Variants in ZNF605 observed in about 807,000 individuals in gnomAD.
ZNF605 encodes zinc finger protein 605.
ZNF605 carries 9 observed loss-of-function variants against 7.9 expected under a neutral mutation model. That is an observed-to-expected ratio of 1.14 (90% CI 0.68 to 1.98). The LOEUF (loss-of-function observed/expected upper bound fraction) is 1.98, where lower values mean the gene tolerates loss of function less well. Ranked by LOEUF, ZNF605 falls within the 30% of genes most tolerant of loss-of-function variation. ZNF605 has a pLI of 0.00. For missense variants in ZNF605, 673 were observed against 762.4 expected (o/e 0.88, Z 1.38); for synonymous variants, 255 against 260.1 (o/e 0.98, Z 0.19).
At position 132,920,208 on chromosome 12, in the gene ZNF605, T is replaced by C. The variant is rs147437510; in HGVS notation, c.*5165A>G. On this transcript the variant is annotated 3_prime_UTR_variant, in exon 5 of 5. Coordinates refer to ENST00000360187, the MANE Select transcript of ZNF605 (RefSeq NM_183238.4). ...AGGCTGGAGTGCAGTGGTGTGATCT[T>C]GGCTCACTGCAAGCTCCACCTCCCA... 0.028 allele frequency: 4,276 copies of C among 151,248 alleles called. 117 individuals carry two copies. The highest frequency in any genetic ancestry group is 0.064 in the Admixed American group (967 of 15,156). 9.4% of individuals were successfully genotyped at this position (151,248 alleles called of 1,614,324 possible). A position where few individuals can be genotyped will look rare whatever the true frequency, so the allele number is the denominator to read the frequency against.
intron 1 of ZNF605, among the ~76,000 whole-genome samples, chr12:132,953,569 G>A (rs1952596746): frequency 6.6e-6 from 1 of 152,124 alleles, no homozygotes; most frequent in Non-Finnish European, 1.5e-5. Flanking sequence ...TGGGATTACA[G>A]GCGCCCACCA....
In ZNF605 at chr12:132,926,504, C is replaced by T. The variant is rs1952249185; in HGVS notation, c.795G>A (p.Lys265=). The change falls in exon 5 of 5, where the codon AAG becomes AAA. Residue 265 remains lysine, a synonymous_variant. Transcript: ENST00000360187. ...CSECGKAFSR[K]SQLKRHQITH... The stretch of plus-strand genomic sequence containing the variant: ...TTATCTGATGTCTTTTAAGCTGCGA[C>T]TTCCTACTGAAGGCTTTTCCACATT... 7.4e-6 allele frequency: 12 copies of T among 1,614,186 alleles called. No homozygotes were observed. The highest frequency in any genetic ancestry group is 4.4e-5 in the South Asian group (4 of 91,082).
intron 3 of ZNF605, among the ~76,000 whole-genome samples, chr12:132,937,508 C>A (rs1461599182): frequency 6.6e-6 from 1 of 151,624 alleles, no homozygotes; most frequent in Non-Finnish European, 1.5e-5. Flanking sequence ...TAAACACACA[C>A]ACACACAGAC....
Position 132,924,839 on chromosome 12 carries a change from A to C in ZNF605, c.*534T>G, listed in dbSNP as rs1952231501. On this transcript the variant is annotated 3_prime_UTR_variant, in exon 5 of 5. Coordinates refer to ENST00000360187, the MANE Select transcript of ZNF605 (RefSeq NM_183238.4). ...CTTCACATCTAAGTAAACACACCTC[A>C]CACTTACAATTCACTGCTTTTTGTA... 1 of 152,568 alleles carries C rather than the reference A, an allele frequency of 6.6e-6. No individual in the cohort carries two copies. 9.5% of individuals were successfully genotyped at this position (152,568 alleles called of 1,614,324 possible).
intron 3 of ZNF605, among the ~76,000 whole-genome samples, chr12:132,935,903 A>C (rs1472707748): frequency 6.7e-6 from 1 of 149,078 alleles, no homozygotes; most frequent in Non-Finnish European, 1.5e-5. Flanking sequence ...AAAAAAAAAA[A>C]AAAAAAAATT....
intron 3 of ZNF605, among the ~76,000 whole-genome samples, chr12:132,935,710 G>A (rs1195387095): frequency 2.6e-5 from 4 of 151,934 alleles, no homozygotes; most frequent in Non-Finnish European, 5.9e-5. Flanking sequence ...GGCTAACATG[G>A]TGAAACCCCA....
At chr12:132,928,754 A>G (rs1184920265) in intron 4 of ZNF605, among the ~76,000 whole-genome samples, 1 of 152,176 alleles carries the variant, frequency 6.6e-6, no homozygotes, top group African/African-American at 2.4e-5. Flanking sequence ...GCTCACAACA[A>G]CAATCCCAGC....
chr12:132,928,633 TTGA>T (rs1202204211), intron 4 of ZNF605, among the ~76,000 whole-genome samples: 1 of 152,232 alleles, frequency 6.6e-6, no homozygotes, highest in Non-Finnish European at 1.5e-5. Flanking sequence ...ACTTGACTTT[TTGA>T]TGATATTATT....
intron 1 of ZNF605, among the ~76,000 whole-genome samples, chr12:132,954,733 C>G (rs12320945): frequency 6.6e-6 from 1 of 151,600 alleles, no homozygotes; most frequent in Non-Finnish European, 1.5e-5. Flanking sequence ...TTCCCACAGG[C>G]CCTCCCAAAC....
chr12:132,925,576 G>A lies in ZNF605; in HGVS notation c.1723C>T (p.Gln575Ter). 1 of 1,614,114 alleles carries A rather than the reference G, an allele frequency of 6.2e-7. No homozygotes were observed. The highest frequency in any genetic ancestry group is 8.5e-7 in the Non-Finnish European group (1 of 1,180,034). Reference sequence around the variant, plus strand: ...TGAATTCTCTGATGTATAATCAGCTGTGCCTTCTCAAAGAAAGCTTTTGCA... The same window carrying A: ...TGAATTCTCTGATGTATAATCAGCTATGCCTTCTCAAAGAAAGCTTTTGCA... ...DCAKAFFEKA[Q>*]LIIHQRIHTG... is the part of the protein sequence containing the mutation. Residue 575 changes from glutamine to a stop codon, truncating the protein, a stop_gained, in exon 5 of 5, where the codon CAG (glutamine) becomes TAG (stop). Transcript: ENST00000360187. LOFTEE classifies it low-confidence loss of function (END_TRUNC).
chr12:132,953,562 G>T (rs1297865404), intron 1 of ZNF605, among the ~76,000 whole-genome samples: 1 of 152,118 alleles, frequency 6.6e-6, no homozygotes, highest in Non-Finnish European at 1.5e-5. Flanking sequence ...GAGTAGGTGG[G>T]ATTACAGGCG....
At chr12:132,945,914 G>T in intron 2 of ZNF605, 117 bp from the exon 3 acceptor site, 1 of 596,338 alleles carries the variant, frequency 1.7e-6, no homozygotes, top group Non-Finnish European at 3.0e-6. Context: ...ATGTTGGGTA[G>T]GCTCACACCA....
rs567965189 is a variant in ZNF605, at chr12:132,920,423, G to A, written c.*4950C>T. Reference sequence around the variant, plus strand: ...CAAAGTGCTGGGATTACAGGCGTGAGCCACCGCGCCTGGCCTGGTTTATTT... The same window carrying A: ...CAAAGTGCTGGGATTACAGGCGTGAACCACCGCGCCTGGCCTGGTTTATTT... On this transcript the variant is annotated 3_prime_UTR_variant, in exon 5 of 5. Coordinates refer to ENST00000360187, the MANE Select transcript of ZNF605 (RefSeq NM_183238.4). 3.9e-5 allele frequency: 6 copies of A among 152,348 alleles called. No homozygotes were observed. Among genetic ancestry groups the A allele is most frequent in the East Asian group, 1.9e-4 (1 of 5,172 alleles). 9.4% of individuals were successfully genotyped at this position (152,348 alleles called of 1,614,324 possible). A position where few individuals can be genotyped will look rare whatever the true frequency, so the allele number is the denominator to read the frequency against.
chr12:132,925,452 T>C lies in ZNF605; in HGVS notation c.1847A>G (p.Tyr616Cys). 1 of 1,614,114 alleles carries C rather than the reference T, an allele frequency of 6.2e-7. No homozygotes were observed. The highest frequency in any genetic ancestry group is 1.3e-5 in the African/African-American group (1 of 75,040). ...GGTCCCACACTCATTGCATCCATAGTATTTATCTCCTGTATGAATCCTCTG... is the reference window on the plus strand; with the variant it reads ...GGTCCCACACTCATTGCATCCATAGCATTTATCTCCTGTATGAATCCTCTG... ...RHQRIHTGDK[Y>C]YGCNECGTTF... The change falls in exon 5 of 5, where the codon TAC becomes TGC. Residue 616 changes from tyrosine to cysteine, a missense_variant. Coordinates refer to ENST00000360187, the MANE Select transcript of ZNF605 (RefSeq NM_183238.4).
Position 132,926,383 on chromosome 12 carries a change from CT to C in ZNF605, c.915del (p.Glu306ArgfsTer19). Reference sequence around the variant, plus strand: ...CAGTGACTACATGGATAGGGTTTCTCTCCTGTGTGCGCTCTCTGATGTGTGA... The same window carrying C: ...CAGTGACTACATGGATAGGGTTTCTCCCTGTGTGCGCTCTCTGATGTGTGA... ...KLITHQRAHT[G>X]EKPYPCSHCG... On this transcript the variant is annotated frameshift_variant, in exon 5 of 5. Coordinates refer to ENST00000360187, the MANE Select transcript of ZNF605 (RefSeq NM_183238.4). LOFTEE classifies it low-confidence loss of function (END_TRUNC). The C allele has an allele frequency of 6.2e-7, 1 of 1,614,194 alleles. No individual in the cohort carries two copies. The highest frequency in any genetic ancestry group is 8.5e-7 in the Non-Finnish European group (1 of 1,180,030).
intron 1 of ZNF605, among the ~76,000 whole-genome samples, chr12:132,948,880 C>T (rs567446709): frequency 6.6e-6 from 1 of 152,174 alleles, no homozygotes; most frequent in African/African-American, 2.4e-5. Flanking sequence ...AGCAGCCACA[C>T]CTGCAGGGCC....
chr12:132,954,167 C>T (rs937535505), intron 1 of ZNF605, among the ~76,000 whole-genome samples: 15 of 151,254 alleles, frequency 9.9e-5, no homozygotes, highest in Non-Finnish European at 2.1e-4. Context: ...TCCCTACAGG[C>T]CCAACTGATG....
chr12:132,937,983 T>C (rs2137141357), intron 3 of ZNF605, among the ~76,000 whole-genome samples: 1 of 152,340 alleles, frequency 6.6e-6, no homozygotes, highest in South Asian at 2.1e-4. Flanking sequence ...TTTATTTATT[T>C]ATTTATTATT....
chr12:132,936,062 A>G (rs1201289764), intron 3 of ZNF605, among the ~76,000 whole-genome samples: 1 of 151,898 alleles, frequency 6.6e-6, no homozygotes. Context: ...CTCCATCTCA[A>G]AAAAAACCAA....
Sources: gnomAD v4.1 joint callset for allele counts (sites outside exome capture counted in the v4.1 genomes callset) on GRCh38, gnomAD v4.1.1 for gene constraint, MANE v1.5 for transcripts, NCBI Gene and HGNC (gene_info 2026-07-23, HGNC 2026-07-21) for gene names.